The following HOMER2 variants were observed in gnomAD, a reference collection of about 807,000 sequenced individuals.
HOMER2 encodes the protein homer protein homolog 2.
In HOMER2, 27 loss-of-function variants were observed where a neutral mutation model predicts 47.0. The observed-to-expected ratio is 0.57, with a 90% CI of 0.42 to 0.79. HOMER2 has a LOEUF of 0.79. Among genes scored for constraint, HOMER2 ranks in the 30% least tolerant of loss-of-function variants. The pLI is 0.00. For synonymous variants in HOMER2, 161 were observed against 163.8 expected, an observed-to-expected ratio of 0.98 and a Z score of 0.13; for missense variants, 443 against 435.0, an observed-to-expected ratio of 1.02 and a Z score of -0.16.
downstream of HOMER2, chr15:82,845,853 A>G (rs536715416): frequency 3.9e-5 from 6 of 152,358 alleles, no homozygotes; most frequent in South Asian, 1.2e-3. Flanking sequence ...TTCTAAAGAA[A>G]AAGAGCCCTG....
At chr15:82,878,421 A>C (rs147422456) in intron 2 of HOMER2, among the ~76,000 whole-genome samples, 1 of 152,356 alleles carries the variant, frequency 6.6e-6, no homozygotes, top group East Asian at 1.9e-4. Flanking sequence ...AGTGGCTAAA[A>C]AGAATATAAT....
intron 1 of HOMER2, among the ~76,000 whole-genome samples, chr15:82,977,047 T>C (rs1180608961): frequency 6.6e-6 from 1 of 152,070 alleles, no homozygotes; most frequent in Non-Finnish European, 1.5e-5. Flanking sequence ...TATAGCAATG[T>C]TTGTGGGGTG....
intron 1 of HOMER2, among the ~76,000 whole-genome samples, chr15:82,981,763 T>C (rs2030402468): frequency 6.6e-6 from 1 of 152,198 alleles, no homozygotes; most frequent in Non-Finnish European, 1.5e-5. Context: ...CAAAACAGCA[T>C]ATAATGTATT....
At chr15:82,851,665 G>A (rs992864986) in intron 7 of HOMER2, among the ~76,000 whole-genome samples, 7 of 152,338 alleles carry the variant, frequency 4.6e-5, no homozygotes, top group African/African-American at 1.2e-4. Context: ...CTCTCATGGC[G>A]TGTGTCTATA....
rs569306313 is a variant in HOMER2, at chr15:82,973,486, G to A, written n.82+12301C>T. Reference sequence around the variant, plus strand: ...AGTGCCTGGCATGTAGTAAATGCTCGGTATTTACTACATAATGGTAGCGCT... The same window carrying A: ...AGTGCCTGGCATGTAGTAAATGCTCAGTATTTACTACATAATGGTAGCGCT... On this transcript the variant is annotated intron_variant and non_coding_transcript_variant, in intron 1 of 1. Coordinates refer to the HOMER2 transcript ENST00000500334. 1.2e-3 allele frequency among the ~76,000 whole-genome samples: 180 copies of A among 152,162 alleles called. 1 individual carries two copies. Among genetic ancestry groups the A allele is most frequent in the South Asian group, 6.6e-3 (32 of 4,824 alleles).
intron 2 of HOMER2, 132 bp from the exon 3 acceptor site, chr15:82,875,536 T>A: frequency 1.1e-6 from 1 of 906,044 alleles, no homozygotes; most frequent in Non-Finnish European, 1.7e-6. Context: ...TGGTCCCGCG[T>A]TCTCCTGGAA....
chr15:82,866,050 T>C (rs1397292401), intron 3 of HOMER2, among the ~76,000 whole-genome samples: 1 of 152,092 alleles, frequency 6.6e-6, no homozygotes, highest in East Asian at 1.9e-4. Context: ...GACCCCAGAA[T>C]AGTAGATCAA....
chr15:82,857,678 A>G (rs556184965), intron 5 of HOMER2, among the ~76,000 whole-genome samples: 2 of 151,990 alleles, frequency 1.3e-5, no homozygotes, highest in East Asian at 3.9e-4. Flanking sequence ...TGATCCAGCC[A>G]CCTCGGCCTC....
intron 1 of HOMER2, among the ~76,000 whole-genome samples, chr15:82,908,150 G>T (rs1005339507): frequency 2.1e-5 from 3 of 142,656 alleles, no homozygotes; most frequent in Non-Finnish European, 4.7e-5. Context: ...GACTTTCAGG[G>T]GGAATGAAAA....
chr15:82,882,516 A>C (rs1470506595), intron 2 of HOMER2, among the ~76,000 whole-genome samples: 1 of 152,206 alleles, frequency 6.6e-6, no homozygotes, highest in Non-Finnish European at 1.5e-5. Context: ...CCACCCACTC[A>C]TGTCTTTAGA....
chr15:82,908,782 G>A (rs1016061583), intron 1 of HOMER2, among the ~76,000 whole-genome samples: 11 of 151,782 alleles, frequency 7.2e-5, no homozygotes, highest in African/African-American at 2.4e-4. Flanking sequence ...GAGGATGAAG[G>A]AGAAAAAAGA....
At chr15:82,968,220 T>A (rs1363967551) in intron 1 of HOMER2, among the ~76,000 whole-genome samples, 2 of 152,226 alleles carry the variant, frequency 1.3e-5, no homozygotes, top group Admixed American at 1.3e-4. Context: ...CACAGCGGAA[T>A]TTAGTACTTT....
chr15:82,865,476 G>GA (rs1003136516), intron 3 of HOMER2, among the ~76,000 whole-genome samples: 14 of 150,906 alleles, frequency 9.3e-5, no homozygotes, highest in Middle Eastern at 3.4e-3. Flanking sequence ...TCCACTTTAG[G>GA]AAAAAAAAAT....
chr15:82,880,560 A>T (rs2052490406), intron 2 of HOMER2, among the ~76,000 whole-genome samples: 1 of 152,230 alleles, frequency 6.6e-6, no homozygotes, highest in Admixed American at 6.5e-5. Flanking sequence ...ATGGTTAAAA[A>T]TAAAGTCTAC....
At chr15:82,944,804 T>TA (rs1262561995) in intron 1 of HOMER2, among the ~76,000 whole-genome samples, 1 of 152,114 alleles carries the variant, frequency 6.6e-6, no homozygotes, top group Non-Finnish European at 1.5e-5. Context: ...GTCCTTCCTT[T>TA]TGTATACATC....
intron 1 of HOMER2, among the ~76,000 whole-genome samples, chr15:82,949,019 G>A (rs1386041011): frequency 2.6e-5 from 4 of 152,164 alleles, no homozygotes; most frequent in East Asian, 1.9e-4. Flanking sequence ...GATATATCCC[G>A]GAAGTAGAAT....
chr15:82,967,703 A>C (rs2054687552), intron 1 of HOMER2, among the ~76,000 whole-genome samples: 1 of 151,984 alleles, frequency 6.6e-6, no homozygotes, highest in Non-Finnish European at 1.5e-5. Flanking sequence ...GTGAAACCCC[A>C]CCTCTACTAC....
intron 3 of HOMER2, among the ~76,000 whole-genome samples, chr15:82,872,943 T>C (rs559922021): frequency 2.0e-5 from 3 of 152,358 alleles, no homozygotes; most frequent in African/African-American, 7.2e-5. Context: ...ATGTTCCATA[T>C]GCATGCTCTT....
chr15:82,933,842 C>T (rs372652340), intron 1 of HOMER2, among the ~76,000 whole-genome samples: 8 of 152,168 alleles, frequency 5.3e-5, no homozygotes, highest in East Asian at 1.9e-4. Flanking sequence ...CTCACACTCA[C>T]GAAAGACCCG....
Sources: gnomAD v4.1 joint callset for allele counts (sites outside exome capture counted in the v4.1 genomes callset) on GRCh38, gnomAD v4.1.1 for gene constraint, MANE v1.5 for transcripts, NCBI Gene and HGNC (gene_info 2026-07-23, HGNC 2026-07-21) for gene names.